The following PCDH15 variants were observed in gnomAD, a reference collection of about 807,000 sequenced individuals.
PCDH15 encodes protocadherin-15.
Under a neutral mutation model 178.5 loss-of-function variants are expected in PCDH15, and 129 were observed. The observed-to-expected ratio is 0.72, with a 90% CI of 0.63 to 0.84. PCDH15 has a LOEUF of 0.84. Ranked by LOEUF, PCDH15 falls within the 40% of genes least tolerant of loss-of-function variation. The probability of loss-of-function intolerance (pLI) is 0.00; values close to 1 mark genes in which losing one functional copy is unlikely to be tolerated. For missense variants in PCDH15, 2,230 were observed against 2,099.9 expected (o/e 1.06, Z -1.21); for synonymous variants, 800 against 732.0 (o/e 1.09, Z -1.50).
rs117715995 is a variant in PCDH15 at position 54,029,138 on chromosome 10, G to A, written c.2221-5941C>T. 2.8e-4 allele frequency among the ~76,000 whole-genome samples: 43 copies of A among 152,100 alleles called. No individual in the cohort carries two copies. In the East Asian group the frequency reaches 7.9e-3, roughly 28 times the overall value. On this transcript the variant is annotated intron_variant, in intron 18 of 37. Transcript: ENST00000644397. ...AAGCAACATGAGCTGGCTAAGCAAG[G>A]CAGTTTTACTTCTTTACTATTCTAG... is the stretch of plus-strand genomic sequence containing the variant.
At chr10:53,866,002 A>G (rs1208613352) in intron 27 of PCDH15, among the ~76,000 whole-genome samples, 1 of 152,178 alleles carries the variant, frequency 6.6e-6, no homozygotes, top group East Asian at 1.9e-4. Flanking sequence ...TTTTCAATAC[A>G]AGCTAATATC....
At chr10:55,010,846 C>T (rs1473124919) in intron 2 of PCDH15, among the ~76,000 whole-genome samples, 1 of 151,898 alleles carries the variant, frequency 6.6e-6, no homozygotes, top group African/African-American at 2.4e-5. Flanking sequence ...AATATTATAC[C>T]ATCTCTCTAG....
At position 53,980,454 on chromosome 10, in the gene PCDH15, A is replaced by G. The variant is rs1262771781; in HGVS notation, c.2868+15195T>C. Among the ~76,000 whole-genome samples the G allele has an allele frequency of 3.9e-5, 6 of 152,068 alleles. No homozygotes were observed. In the South Asian group the frequency reaches 1.2e-3, roughly 32 times the overall value. ...CTTCTCGAATATTACAGTGCCATGGATGACATCAGAGTTACTTCAAGAGTT... is the reference window on the plus strand; with the variant it reads ...CTTCTCGAATATTACAGTGCCATGGGTGACATCAGAGTTACTTCAAGAGTT... On this transcript the variant is annotated intron_variant, in intron 21 of 37. Transcript: ENST00000644397.
At chr10:53,916,294 A>G (rs959687878) in intron 25 of PCDH15, among the ~76,000 whole-genome samples, 1 of 152,228 alleles carries the variant, frequency 6.6e-6, no homozygotes, top group Non-Finnish European at 1.5e-5. Context: ...AGGAAAAAAC[A>G]GTAATATTCT....
intron 2 of PCDH15, among the ~76,000 whole-genome samples, chr10:55,614,875 T>G (rs1843443778): frequency 6.6e-6 from 1 of 152,164 alleles, no homozygotes; most frequent in Non-Finnish European, 1.5e-5. Context: ...CAGTTTACCC[T>G]TTAATACCAC....
chr10:55,539,414 T>G (rs528840564), intron 2 of PCDH15, among the ~76,000 whole-genome samples: 1 of 152,126 alleles, frequency 6.6e-6, no homozygotes, highest in African/African-American at 2.4e-5. Context: ...TTATTGTAAT[T>G]CCCTCATATT....
In PCDH15 at chr10:53,804,422, G is replaced by A. The variant is rs1314913905; in HGVS notation, c.*2157C>T. 2 of 151,890 alleles carry A rather than the reference G, an allele frequency of 1.3e-5. No homozygotes were observed. The highest frequency in any genetic ancestry group is 2.9e-5 in the Non-Finnish European group (2 of 67,910). The allele number at this position is 151,890 out of a possible 1,614,324, so 9.4% of individuals were successfully genotyped here. Reference sequence around the variant, plus strand: ...AGTCGCAAAACATTTGGTTGAATCCGTGTACCTAATTCCCATCTTAAGCTT... The same window carrying A: ...AGTCGCAAAACATTTGGTTGAATCCATGTACCTAATTCCCATCTTAAGCTT... On this transcript the variant is annotated 3_prime_UTR_variant, in exon 38 of 38. Coordinates refer to ENST00000644397, the MANE Select transcript of PCDH15 (RefSeq NM_001384140.1).
intron 2 of PCDH15, among the ~76,000 whole-genome samples, chr10:55,602,949 G>A (rs1843122553): frequency 6.6e-6 from 1 of 152,096 alleles, no homozygotes; most frequent in African/African-American, 2.4e-5. Flanking sequence ...TGAGCTACGG[G>A]AGGAAATTCA....
At chr10:54,305,585 C>G (rs2133354508) in intron 8 of PCDH15, among the ~76,000 whole-genome samples, 1 of 152,090 alleles carries the variant, frequency 6.6e-6, no homozygotes, top group Admixed American at 6.6e-5. Flanking sequence ...GGGAAAGTCT[C>G]TGTTTTCAGA....
chr10:54,203,202 T>C (rs1360697862), intron 10 of PCDH15, among the ~76,000 whole-genome samples: 1 of 152,174 alleles, frequency 6.6e-6, no homozygotes, highest in African/African-American at 2.4e-5. Flanking sequence ...CTGTGTAGGT[T>C]CAACACCACT....
intron 3 of PCDH15, among the ~76,000 whole-genome samples, chr10:54,823,811 A>C (rs1953085253): frequency 6.6e-6 from 1 of 152,178 alleles, no homozygotes; most frequent in Non-Finnish European, 1.5e-5. Flanking sequence ...ACTCAAAAAA[A>C]AGACTAAAAA....
chr10:54,913,417 G>A (rs1039876999), intron 2 of PCDH15, among the ~76,000 whole-genome samples: 2 of 152,206 alleles, frequency 1.3e-5, no homozygotes, highest in African/African-American at 4.8e-5. Flanking sequence ...TGAGTCTTGG[G>A]AGCCTCTGCC....
At chr10:55,160,979 G>A (rs1839049985) in intron 2 of PCDH15, among the ~76,000 whole-genome samples, 2 of 151,976 alleles carry the variant, frequency 1.3e-5, no homozygotes, top group South Asian at 4.1e-4. Flanking sequence ...CTGCTCATGT[G>A]GCATTAATAT....
intron 3 of PCDH15, among the ~76,000 whole-genome samples, chr10:54,475,986 G>T (rs1589609891): frequency 2.2e-5 from 3 of 139,530 alleles, no homozygotes. Context: ...CTATGCATAT[G>T]ATATATATAC....
At chr10:54,072,108 A>C (rs1290704315) in intron 17 of PCDH15, among the ~76,000 whole-genome samples, 1 of 152,120 alleles carries the variant, frequency 6.6e-6, no homozygotes, top group Non-Finnish European at 1.5e-5. Context: ...AAACACAAGA[A>C]ATGTTATTTA....
intron 26 of PCDH15, among the ~76,000 whole-genome samples, chr10:53,893,767 T>C (rs538471315): frequency 6.6e-6 from 1 of 152,208 alleles, no homozygotes; most frequent in South Asian, 2.1e-4. Flanking sequence ...GGCATAAGAA[T>C]AATACAATGA....
chr10:55,088,837 C>T (rs1394465008), intron 2 of PCDH15, among the ~76,000 whole-genome samples: 1 of 151,948 alleles, frequency 6.6e-6, no homozygotes, highest in Non-Finnish European at 1.5e-5. Flanking sequence ...TTCTAGTTTT[C>T]CAAAGAGAAT....
At chr10:54,602,343 C>T (rs1206651151) in intron 2 of PCDH15, among the ~76,000 whole-genome samples, 1 of 151,868 alleles carries the variant, frequency 6.6e-6, no homozygotes, top group Non-Finnish European at 1.5e-5. Flanking sequence ...TTATTTAGAG[C>T]AACTTTACTA....
chr10:54,030,159 C>T (rs888253038), intron 18 of PCDH15, among the ~76,000 whole-genome samples: 1 of 151,908 alleles, frequency 6.6e-6, no homozygotes, highest in Non-Finnish European at 1.5e-5. Context: ...ACCTAATTGG[C>T]CCAGTGTGAA....
Sources: allele counts gnomAD v4.1 joint callset (sites outside exome capture counted in the v4.1 genomes callset), GRCh38; gene constraint gnomAD v4.1.1; transcripts MANE v1.5; gene names NCBI Gene and HGNC (gene_info 2026-07-23, HGNC 2026-07-21).